The following PTPN3 variants were observed in gnomAD, a reference collection of about 807,000 sequenced individuals.
The protein encoded by PTPN3 is protein tyrosine phosphatase non-receptor type 3.
PTPN3 carries 96 observed loss-of-function variants against 132.7 expected under a neutral mutation model. The observed-to-expected ratio is 0.72, with a 90% CI of 0.61 to 0.86. PTPN3 has a LOEUF of 0.86. PTPN3 is among the 40% of genes least tolerant of loss of function. The pLI, the probability that PTPN3 is intolerant of heterozygous loss-of-function variation, is 0.00. For missense variants in PTPN3, 1,125 were observed against 1,159.6 expected (o/e 0.97, Z 0.43); for synonymous variants, 398 against 429.0 (o/e 0.93, Z 0.89).
rs1564465809 is a variant in PTPN3 at position 109,463,340 on chromosome 9, C to CTGCAAA, written c.89_94dup (p.Ile30_Cys31dup). 6.2e-7 allele frequency: 1 copy of CTGCAAA among 1,613,554 alleles called. No homozygotes were observed. The highest frequency in any genetic ancestry group is 8.5e-7 in the Non-Finnish European group (1 of 1,179,900). ...TACCACGCCATCTAAAAAGTGGATG[C>CTGCAAA]TGCAAATGACTTCTGATCGAGTTTT... is the stretch of plus-strand genomic sequence containing the variant. On this transcript the variant is annotated inframe_insertion, in exon 2 of 26. Transcript: ENST00000374541.
rs190915878 is a variant in PTPN3 at position 109,432,979 on chromosome 9, A to G, written c.764+94T>C. 9 of 1,511,256 alleles carry G rather than the reference A, an allele frequency of 6.0e-6. 1 individual carries two copies. In the South Asian group the frequency reaches 1.1e-4, roughly 18 times the overall value. 93.6% of individuals were successfully genotyped at this position (1,511,256 alleles called of 1,614,324 possible). A position where few individuals can be genotyped will look rare whatever the true frequency, so the allele number is the denominator to read the frequency against. Reference sequence around the variant, plus strand: ...GGGAGGCACTCTCTATCTTTTCTTTAGAAATAAACATTTAGAATGGGAGGT... The same window carrying G: ...GGGAGGCACTCTCTATCTTTTCTTTGGAAATAAACATTTAGAATGGGAGGT... On this transcript the variant is annotated intron_variant, in intron 10 of 25. Coordinates refer to ENST00000374541, the MANE Select transcript of PTPN3 (RefSeq NM_002829.4).
At chr9:109,469,783 G>A (rs1447677580) in intron 1 of PTPN3, among the ~76,000 whole-genome samples, 1 of 152,116 alleles carries the variant, frequency 6.6e-6, no homozygotes, top group Non-Finnish European at 1.5e-5. Flanking sequence ...AATGAATCAT[G>A]GGTGGCTCAC....
intron 1 of PTPN3, among the ~76,000 whole-genome samples, chr9:109,477,608 GAT>G (rs1333898542): frequency 2.0e-5 from 3 of 152,232 alleles, no homozygotes; most frequent in African/African-American, 7.2e-5. Context: ...TGTGTCACAT[GAT>G]GTCTAAAGGC....
At chr9:109,506,012 A>G in the PTPN3 span, among the ~76,000 whole-genome samples, 2 of 152,126 alleles carry the variant, frequency 1.3e-5, no homozygotes, top group Non-Finnish European at 2.9e-5. Flanking sequence ...CAGCCTCCCA[A>G]AGTGCTGGGA....
intron 1 of PTPN3, among the ~76,000 whole-genome samples, chr9:109,475,747 A>G (rs1048217797): frequency 6.6e-6 from 1 of 152,164 alleles, no homozygotes; most frequent in Non-Finnish European, 1.5e-5. Context: ...CCTTCAGAAA[A>G]GAAAACAGCT....
At chr9:109,474,702 A>G (rs182338191) in intron 1 of PTPN3, among the ~76,000 whole-genome samples, 70 of 152,346 alleles carry the variant, frequency 4.6e-4, no homozygotes, top group African/African-American at 1.6e-3. Flanking sequence ...CTGAAATCTT[A>G]GCGAAATCTC....
At chr9:109,387,278 T>C (rs978763146) in intron 22 of PTPN3, among the ~76,000 whole-genome samples, 1 of 152,198 alleles carries the variant, frequency 6.6e-6, no homozygotes, top group Non-Finnish European at 1.5e-5. Context: ...GAGGGCCTGA[T>C]GAAGCCTGAC....
At chr9:109,392,617 T>C (rs1394009600) in intron 19 of PTPN3, 1 of 152,200 alleles carries the variant, frequency 6.6e-6, no homozygotes, top group Non-Finnish European at 1.5e-5. Flanking sequence ...TTTTTTTCTC[T>C]TCCTGAGACA....
intron 24 of PTPN3, among the ~76,000 whole-genome samples, 155 bp downstream of exon 24, chr9:109,382,147 A>G (rs1839154547): frequency 6.6e-6 from 1 of 152,208 alleles, no homozygotes; most frequent in Non-Finnish European, 1.5e-5. Context: ...AAATTCCAAA[A>G]AACTTTTGAA....
Position 109,376,310 on chromosome 9 carries a change from T to C in PTPN3, c.*3246A>G, listed in dbSNP as rs1334560519. ...ATTTCTGCTGCCTCTTTGTTGCCTC[T>C]GGAGGATGAAGAGGGCTTTTTCGCT... On this transcript the variant is annotated 3_prime_UTR_variant, in exon 26 of 26. Coordinates refer to ENST00000374541, the MANE Select transcript of PTPN3 (RefSeq NM_002829.4). The C allele has an allele frequency of 6.6e-6, 1 of 152,174 alleles. No homozygotes were observed. The allele number at this position is 152,174 out of a possible 1,614,324, so 9.4% of individuals were successfully genotyped here. A position where few individuals can be genotyped will look rare whatever the true frequency, so the allele number is the denominator to read the frequency against.
chr9:109,440,383 G>C (rs1352002622), intron 7 of PTPN3, among the ~76,000 whole-genome samples: 1 of 152,218 alleles, frequency 6.6e-6, no homozygotes, highest in Non-Finnish European at 1.5e-5. Context: ...TGCCCAATGA[G>C]GAAATTGCTA....
intron 19 of PTPN3, among the ~76,000 whole-genome samples, chr9:109,399,940 C>CA: frequency 7.3e-6 from 1 of 136,294 alleles, no homozygotes; most frequent in African/African-American, 2.7e-5. Flanking sequence ...ACACAGTTAC[C>CA]TTTTTTTTTT....
chr9:109,422,608 C>CA (rs1842956370), intron 13 of PTPN3, 110 bp downstream of exon 13: 1 of 1,289,878 alleles, frequency 7.8e-7, no homozygotes, highest in Non-Finnish European at 1.0e-6. Context: ...GCCTAAAATG[C>CA]AAATTGTAGG....
the PTPN3 span, among the ~76,000 whole-genome samples, chr9:109,530,518 G>T: frequency 6.6e-6 from 1 of 152,174 alleles, no homozygotes; most frequent in African/African-American, 2.4e-5. Flanking sequence ...GAATGGTGCT[G>T]CTATGAACAT....
intron 19 of PTPN3, among the ~76,000 whole-genome samples, chr9:109,402,279 A>G (rs922665948): frequency 2.8e-4 from 42 of 151,570 alleles, no homozygotes; most frequent in Non-Finnish European, 5.0e-4. Flanking sequence ...GATAACCTCT[A>G]CATTTCCTTT....
At chr9:109,493,714 G>A (rs905806334) in intron 1 of PTPN3, among the ~76,000 whole-genome samples, 5 of 152,086 alleles carry the variant, frequency 3.3e-5, no homozygotes, top group African/African-American at 4.8e-5. Context: ...CAGTCCTGCC[G>A]GTCCCCTAAA....
At chr9:109,516,175 AAACC>A in the PTPN3 span, among the ~76,000 whole-genome samples, 1 of 152,228 alleles carries the variant, frequency 6.6e-6, no homozygotes, top group South Asian at 2.1e-4. Flanking sequence ...TTCAACTGAT[AAACC>A]AACCCACTCA....
chr9:109,415,972 A>G (rs1417377014), intron 14 of PTPN3, among the ~76,000 whole-genome samples: 1 of 152,190 alleles, frequency 6.6e-6, no homozygotes, highest in Non-Finnish European at 1.5e-5. Context: ...AAACACTCTG[A>G]ACAAAACCCT....
chr9:109,498,549 T>C (rs947276611), upstream of PTPN3, among the ~76,000 whole-genome samples: 1 of 152,132 alleles, frequency 6.6e-6, no homozygotes, highest in African/African-American at 2.4e-5. The surrounding 1 kb of genome is among the most constrained non-coding windows in gnomAD (Gnocchi z 4.2). Flanking sequence ...ACTGGGCACC[T>C]ACTGTGTGCC....
Sources: allele counts gnomAD v4.1 joint callset (sites outside exome capture counted in the v4.1 genomes callset), GRCh38; gene constraint gnomAD v4.1.1; non-coding constraint Gnocchi (gnomAD v3.1); transcripts MANE v1.5; gene names NCBI Gene and HGNC (gene_info 2026-07-23, HGNC 2026-07-21).